Variants in COL17A1 observed in about 807,000 individuals in gnomAD.
The protein encoded by COL17A1 is collagen alpha-1(XVII) chain.
Under a neutral mutation model 218.4 loss-of-function variants are expected in COL17A1, and 181 were observed. The observed-to-expected ratio is 0.83, with a 90% CI of 0.73 to 0.94. The LOEUF (loss-of-function observed/expected upper bound fraction) is 0.94, where lower values mean the gene tolerates loss of function less well. COL17A1 is among the 40% of genes least tolerant of loss of function. The pLI is 0.00. For synonymous variants in COL17A1, 721 were observed against 731.0 expected (o/e 0.99, Z 0.22); for missense variants, 1,924 against 1,945.9 (o/e 0.99, Z 0.21).
intron 9 of COL17A1, among the ~76,000 whole-genome samples, chr10:104,067,003 A>G (rs1221827429): frequency 6.6e-6 from 1 of 152,166 alleles, no homozygotes; most frequent in Non-Finnish European, 1.5e-5. Context: ...TTAGGACCCA[A>G]TTTTTGTACT....
chr10:104,058,917 G>C (rs1478980495), intron 15 of COL17A1, among the ~76,000 whole-genome samples: 1 of 143,762 alleles, frequency 7.0e-6, no homozygotes, highest in Non-Finnish European at 1.5e-5. Flanking sequence ...CTGGGCAACA[G>C]AGCAAGACTC....
At chr10:104,032,397 G>C in intron 55 of COL17A1, 107 bp from the exon 56 acceptor site, 1 of 988,536 alleles carries the variant, frequency 1.0e-6, no homozygotes, top group Non-Finnish European at 1.6e-6. Context: ...TGGCTTCAAA[G>C]GTGAAATCTT....
At chr10:104,059,404 A>G in intron 15 of COL17A1, 1 of 583,976 alleles carries the variant, frequency 1.7e-6, no homozygotes. Flanking sequence ...TGGCAGAGGC[A>G]GGCTTTTGCT....
intron 6 of COL17A1, among the ~76,000 whole-genome samples, chr10:104,073,766 C>T (rs1436493549): frequency 6.6e-6 from 1 of 152,150 alleles, no homozygotes; most frequent in African/African-American, 2.4e-5. Context: ...GTTCATGAAG[C>T]ACACGCAGTT....
At chr10:104,071,901 T>C (rs2086671894) in intron 8 of COL17A1, 131 bp downstream of exon 8, 1 of 1,447,274 alleles carries the variant, frequency 6.9e-7, no homozygotes, top group Admixed American at 1.9e-5. Flanking sequence ...AAAGATGTTT[T>C]ATGATTGCAT....
rs141878778 is a variant in COL17A1 at position 104,076,056 on chromosome 10, C to T, written c.331+245G>A. On this transcript the variant is annotated intron_variant, in intron 5 of 55. Coordinates refer to ENST00000648076, the MANE Select transcript of COL17A1 (RefSeq NM_000494.4). ...TCAAGGCATTCTACACAGTGTTAAA[C>T]GCATAGCAGGTACTGGATAAAATAC... 5.5e-3 allele frequency among the ~76,000 whole-genome samples: 840 copies of T among 152,286 alleles called. 10 individuals carry two copies. Among genetic ancestry groups the T allele is most frequent in the African/African-American group, 0.019 (801 of 41,552 alleles).
chr10:104,038,663 G>A, intron 44 of COL17A1, 135 bp from the exon 45 acceptor site: 1 of 1,130,954 alleles, frequency 8.8e-7, no homozygotes, highest in African/African-American at 1.6e-5. Flanking sequence ...AAGGAGAAGG[G>A]TCCCCGAGAA....
chr10:104,076,350 T>TG lies in COL17A1; in HGVS notation c.281dup (p.Gly95ArgfsTer5). On this transcript the variant is annotated frameshift_variant, in exon 5 of 56. Transcript: ENST00000648076. LOFTEE classifies it high-confidence loss of function. ...GAGTTTTCCTTTCAAAGGTTGAGCC[T>TG]GGGGAGTTGGGCAGAGTGGAGGCAG... The TG allele has an allele frequency of 6.2e-7, 1 of 1,614,136 alleles. No homozygotes were observed. The highest frequency in any genetic ancestry group is 8.5e-7 in the Non-Finnish European group (1 of 1,180,004).
intron 10 of COL17A1, 100 bp downstream of exon 10, chr10:104,064,338 A>G: frequency 4.4e-6 from 7 of 1,582,840 alleles, no homozygotes; most frequent in Non-Finnish European, 6.0e-6. Context: ...CCTCTCCAGG[A>G]GGCCCTGAGG....
chr10:104,056,043 G>C (rs759913823), intron 17 of COL17A1, 40 bp from the exon 18 acceptor site: 1 of 1,610,568 alleles, frequency 6.2e-7, no homozygotes, highest in Non-Finnish European at 8.5e-7. Flanking sequence ...TGAGGGCCCG[G>C]TCCTTCGCCT....
chr10:104,034,052 G>T lies in COL17A1; in HGVS notation c.4049C>A (p.Ala1350Glu), dbSNP rs753575654. Residue 1350 changes from alanine (A) to glutamate (E), a missense_variant, in exon 52 of 56, where the codon GCA becomes GAA. By Grantham distance (107) the Ala-to-Glu change is moderately radical. Transcript: ENST00000648076. ...GCCAGCATACATGCCGCCTTCTGCT[G>T]CTGCCCCATAGCCTCCGCCTGGGCC... ...DIGPGGGYGAAAEGGMYAGNG... is the reference protein window; with the variant it reads ...DIGPGGGYGAEAEGGMYAGNG... The T allele has an allele frequency of 6.2e-7, 1 of 1,613,982 alleles. No homozygotes were observed. Among genetic ancestry groups the T allele is most frequent in the East Asian group, 2.2e-5 (1 of 44,896 alleles).
Position 104,055,405 on chromosome 10 carries a change from C to A in COL17A1, c.1688-4G>T. 1 of 1,598,552 alleles carries A rather than the reference C, an allele frequency of 6.3e-7. No individual in the cohort carries two copies. The highest frequency in any genetic ancestry group is 1.4e-5 in the African/African-American group (1 of 73,390). On this transcript the variant is annotated splice_polypyrimidine_tract_variant and splice_region_variant and intron_variant, in intron 18 of 55. Coordinates refer to ENST00000648076, the MANE Select transcript of COL17A1 (RefSeq NM_000494.4). ...CCAGGGCTTCCTCGGAGATTTCCTGCAAGAAAAAGCAAATCCTGAGTCAGC... is the reference window on the plus strand; with the variant it reads ...CCAGGGCTTCCTCGGAGATTTCCTGAAAGAAAAAGCAAATCCTGAGTCAGC...
intron 23 of COL17A1, 134 bp from the exon 24 acceptor site, chr10:104,052,351 C>G: frequency 8.7e-7 from 1 of 1,144,336 alleles, no homozygotes; most frequent in Non-Finnish European, 1.3e-6. Context: ...CCCAGTGAGG[C>G]CACTTATCAG....
At chr10:104,039,582 A>C in intron 42 of COL17A1, 26 bp downstream of exon 42, 1 of 1,614,168 alleles carries the variant, frequency 6.2e-7, no homozygotes, top group South Asian at 1.1e-5. Context: ...GGCCAGAGCC[A>C]GAATGGGGCG....
chr10:104,078,072 C>A (rs1327134745), intron 3 of COL17A1, among the ~76,000 whole-genome samples: 1 of 152,142 alleles, frequency 6.6e-6, no homozygotes, highest in Non-Finnish European at 1.5e-5. Flanking sequence ...CAGGGGGTAG[C>A]TTTTGGGCTC....
intron 19 of COL17A1, 160 bp downstream of exon 19, chr10:104,055,212 T>C: frequency 1.4e-6 from 2 of 1,451,820 alleles, no homozygotes; most frequent in South Asian, 2.4e-5. Context: ...TAAGATATTC[T>C]GACTCTAAAA....
chr10:104,039,800 ACG>A (rs1564673311), intron 41 of COL17A1, among the ~76,000 whole-genome samples, 160 bp from the exon 42 acceptor site: 114 of 149,068 alleles, frequency 7.6e-4, no homozygotes, highest in African/African-American at 2.8e-3. Flanking sequence ...ACACACGCAC[ACG>A]CACACTTGCA....
chr10:104,042,574 T>C (rs1356613861), intron 35 of COL17A1, 119 bp from the exon 36 acceptor site: 18 of 962,842 alleles, frequency 1.9e-5, no homozygotes, highest in Non-Finnish European at 3.0e-5. Context: ...CCTTGCTTAT[T>C]TGAGAGCAAT....
intron 30 of COL17A1, 88 bp downstream of exon 30, chr10:104,047,981 T>A: frequency 6.6e-7 from 1 of 1,522,612 alleles, no homozygotes; most frequent in Non-Finnish European, 9.1e-7. Context: ...TATGCTCCTC[T>A]GCACTATGGT....
Sources: gnomAD v4.1 joint callset for allele counts (sites outside exome capture counted in the v4.1 genomes callset) on GRCh38, gnomAD v4.1.1 for gene constraint, MANE v1.5 for transcripts, NCBI Gene and HGNC (gene_info 2026-07-23, HGNC 2026-07-21) for gene names.